GREM2: variants seen among roughly 807,000 people sequenced by gnomAD.
GREM2 encodes the protein gremlin-2.
GREM2 carries 11 observed loss-of-function variants against 14.2 expected under a neutral mutation model. The ratio of observed to expected loss-of-function variants is 0.78; its 90% CI spans 0.49 to 1.28. The LOEUF (loss-of-function observed/expected upper bound fraction) is 1.28, where lower values mean the gene tolerates loss of function less well. GREM2 is among the 50% of genes most tolerant of loss of function. GREM2 has a pLI of 0.00. For synonymous variants in GREM2, 98 were observed against 97.6 expected (o/e 1.00, Z -0.02); for missense variants, 210 against 218.5 (o/e 0.96, Z 0.24).
intron 1 of GREM2, among the ~76,000 whole-genome samples, chr1:240,501,705 G>A (rs1373912943): frequency 6.6e-6 from 1 of 152,086 alleles, no homozygotes; most frequent in East Asian, 1.9e-4. Context: ...TGGTTTCTGG[G>A]CCCTGAGCTG....
rs376881699 is a variant in GREM2 at position 240,521,317 on chromosome 1, C to T, written c.-1-27841G>A. On this transcript the variant is annotated intron_variant, in intron 1 of 1. Coordinates refer to ENST00000318160, the MANE Select transcript of GREM2 (RefSeq NM_022469.4). ...GGCGCGGTGGCTCACGCCTGTAATC[C>T]CAGCACTTTAGCAGGCCGAAGTGGG... Among the ~76,000 whole-genome samples, 670 of 152,214 alleles carry T rather than the reference C, an allele frequency of 4.4e-3. 1 individual carries two copies. The highest frequency in any genetic ancestry group is 0.015 in the African/African-American group (615 of 41,520).
At position 240,569,775 on chromosome 1, in the gene GREM2, C is replaced by G. The variant is rs192449626; in HGVS notation, c.-2+42109G>C. Among the ~76,000 whole-genome samples, 53 of 152,202 alleles carry G rather than the reference C, an allele frequency of 3.5e-4. No homozygotes were observed. The South Asian group carries it at 4.4e-3, about 13-fold the overall frequency. Reference sequence around the variant, plus strand: ...AAAAAGAAAGGAAAGGTTTGCGACCCTGTGTTAGGAGATTTCTTATATATG... The same window carrying G: ...AAAAAGAAAGGAAAGGTTTGCGACCGTGTGTTAGGAGATTTCTTATATATG... On this transcript the variant is annotated intron_variant, in intron 1 of 1. Transcript: ENST00000318160.
intron 1 of GREM2, among the ~76,000 whole-genome samples, chr1:240,598,881 C>T (rs1485322264): frequency 6.6e-6 from 1 of 152,166 alleles, no homozygotes; most frequent in Non-Finnish European, 1.5e-5. Context: ...TTTCATAGTG[C>T]TCTCAAAATA....
At chr1:240,531,293 C>T (rs370473162) in intron 1 of GREM2, among the ~76,000 whole-genome samples, 3 of 152,108 alleles carry the variant, frequency 2.0e-5, no homozygotes, top group East Asian at 1.9e-4. Flanking sequence ...CTTTCTAACC[C>T]GCTGGAGTAC....
chr1:240,584,154 A>G (rs1679543483), intron 1 of GREM2, among the ~76,000 whole-genome samples: 3 of 152,162 alleles, frequency 2.0e-5, no homozygotes, highest in African/African-American at 7.2e-5. Flanking sequence ...AATACAAATG[A>G]AAACAATAAG....
intron 1 of GREM2, among the ~76,000 whole-genome samples, chr1:240,602,360 T>A (rs905754397): frequency 1.6e-4 from 24 of 150,366 alleles, no homozygotes; most frequent in Admixed American, 1.2e-3. Flanking sequence ...TCTTATATGT[T>A]TTTTCCTTAA....
At chr1:240,493,721 G>T (rs993187688) in intron 1 of GREM2, among the ~76,000 whole-genome samples, 2 of 151,890 alleles carry the variant, frequency 1.3e-5, no homozygotes, top group African/African-American at 4.8e-5. Flanking sequence ...TGTAGAGACG[G>T]GATCTCACCA....
chr1:240,565,906 C>T (rs1350460918), intron 1 of GREM2, among the ~76,000 whole-genome samples: 1 of 151,386 alleles, frequency 6.6e-6, no homozygotes, highest in Non-Finnish European at 1.5e-5. Context: ...ATTGTATCTT[C>T]CATAAACTCA....
intron 1 of GREM2, among the ~76,000 whole-genome samples, chr1:240,551,148 A>G (rs1678841490): frequency 6.6e-6 from 1 of 152,142 alleles, no homozygotes; most frequent in African/African-American, 2.4e-5. Context: ...CACAGAGTCT[A>G]CTTGAGTACT....
At chr1:240,568,667 G>A (rs1679209104) in intron 1 of GREM2, among the ~76,000 whole-genome samples, 1 of 152,108 alleles carries the variant, frequency 6.6e-6, no homozygotes, top group Non-Finnish European at 1.5e-5. Context: ...GAAAACTAGA[G>A]AGGCACCTAG....
Position 240,493,082 on chromosome 1 carries a change from G to C in GREM2, c.394C>G (p.Leu132Val). 6.2e-7 allele frequency: 1 copy of C among 1,613,756 alleles called. No homozygotes were observed. Among genetic ancestry groups the C allele is most frequent in the Admixed American group, 1.7e-5 (1 of 60,024 alleles). ...FCKPQRVTSV[L>V]VELECPGLDP... Reference sequence around the variant, plus strand: ...AGGCCGGGGCACTCGAGCTCCACGAGGACGGAGGTGACGCGCTGGGGCTTG... The same window carrying C: ...AGGCCGGGGCACTCGAGCTCCACGACGACGGAGGTGACGCGCTGGGGCTTG... Residue 132 changes from leucine to valine, a missense_variant, in exon 2 of 2, where the codon CTC becomes GTC. Coordinates refer to ENST00000318160, the MANE Select transcript of GREM2 (RefSeq NM_022469.4).
chr1:240,600,766 G>A (rs1679907225), intron 1 of GREM2, among the ~76,000 whole-genome samples: 1 of 152,174 alleles, frequency 6.6e-6, no homozygotes, highest in African/African-American at 2.4e-5. Context: ...TTACAGGCGT[G>A]AGCCACCGTG....
chr1:240,556,722 TA>T (rs1284403654), intron 1 of GREM2, among the ~76,000 whole-genome samples: 3 of 151,722 alleles, frequency 2.0e-5, no homozygotes, highest in Admixed American at 1.3e-4. Flanking sequence ...AATTAAAAAA[TA>T]AAACAGCAAG....
intron 1 of GREM2, among the ~76,000 whole-genome samples, chr1:240,575,924 G>C (rs1486993184): frequency 6.6e-6 from 1 of 150,782 alleles, no homozygotes; most frequent in East Asian, 1.9e-4. Flanking sequence ...AAAAGATGGA[G>C]GGGGAGGGAA....
At chr1:240,541,306 C>T (rs1255172025) in intron 1 of GREM2, among the ~76,000 whole-genome samples, 1 of 152,144 alleles carries the variant, frequency 6.6e-6, no homozygotes, top group Non-Finnish European at 1.5e-5. Flanking sequence ...CCATCCTGGG[C>T]TGGAGCTGCC....
At chr1:240,562,953 TGTGTGTGA>T (rs1243406444) in intron 1 of GREM2, among the ~76,000 whole-genome samples, 1 of 136,336 alleles carries the variant, frequency 7.3e-6, no homozygotes, top group African/African-American at 3.4e-5. Flanking sequence ...TGAGTGTGTA[TGTGTGTGA>T]GTGTGTGTAT....
intron 1 of GREM2, among the ~76,000 whole-genome samples, chr1:240,600,672 C>T (rs1324873654): frequency 2.0e-5 from 3 of 151,908 alleles, no homozygotes; most frequent in Non-Finnish European, 4.4e-5. Context: ...TTAATAGAGA[C>T]GGGGCTTCAC....
chr1:240,591,153 T>C (rs1679708166), intron 1 of GREM2, among the ~76,000 whole-genome samples: 1 of 152,148 alleles, frequency 6.6e-6, no homozygotes, highest in Non-Finnish European at 1.5e-5. Flanking sequence ...GTCCACCCCA[T>C]CAAAAGAAGC....
Position 240,531,780 on chromosome 1 carries a change from C to T in GREM2, c.-1-38304G>A, listed in dbSNP as rs1001271381. 15 of 651,940 alleles carry T rather than the reference C, an allele frequency of 2.3e-5. No homozygotes were observed. The African/African-American group carries it at 3.0e-4, about 13-fold the overall frequency. 40.4% of individuals were successfully genotyped at this position (651,940 alleles called of 1,614,324 possible). A position where few individuals can be genotyped will look rare whatever the true frequency, so the allele number is the denominator to read the frequency against. On this transcript the variant is annotated intron_variant, in intron 1 of 1. Transcript: ENST00000318160. Reference sequence around the variant, plus strand: ...CTGGAGAGCAATGGCGTGATCTCGGCTCACTGCAACCTCCGCCTCCTGTGT... The same window carrying T: ...CTGGAGAGCAATGGCGTGATCTCGGTTCACTGCAACCTCCGCCTCCTGTGT...
Sources: allele counts gnomAD v4.1 joint callset (sites outside exome capture counted in the v4.1 genomes callset), GRCh38; gene constraint gnomAD v4.1.1; transcripts MANE v1.5; gene names NCBI Gene and HGNC (gene_info 2026-07-23, HGNC 2026-07-21).